Variants in PAM observed in about 807,000 individuals in gnomAD.
The protein encoded by PAM is peptidyl-glycine alpha-amidating monooxygenase.
In PAM, 72 loss-of-function variants were observed where a neutral mutation model predicts 122.1. The observed-to-expected ratio is 0.59, with a 90% confidence interval of 0.49 to 0.72. PAM has a LOEUF of 0.72. Ranked by LOEUF, PAM falls within the 30% of genes least tolerant of loss-of-function variation. The pLI is 0.00. For synonymous variants in PAM, 389 were observed against 404.4 expected, an observed-to-expected ratio of 0.96 and a Z score of 0.46; for missense variants, 1,106 against 1,183.7, an observed-to-expected ratio of 0.93 and a Z score of 0.96.
At chr5:102,966,222 C>T (rs1420058510) in intron 14 of PAM, among the ~76,000 whole-genome samples, 4 of 152,002 alleles carry the variant, frequency 2.6e-5, no homozygotes, top group Non-Finnish European at 5.9e-5. Context: ...ATCTATCAAA[C>T]ACAATTCTAA....
chr5:102,981,490 T>C (rs779992895), intron 15 of PAM, among the ~76,000 whole-genome samples: 47 of 152,166 alleles, frequency 3.1e-4, no homozygotes, highest in Non-Finnish European at 5.7e-4. Flanking sequence ...AATTATAAGG[T>C]TGTAGGGGAG....
At chr5:102,970,902 G>A (rs1163073972) in intron 14 of PAM, among the ~76,000 whole-genome samples, 1 of 152,118 alleles carries the variant, frequency 6.6e-6, no homozygotes, top group African/African-American at 2.4e-5. Context: ...TGCCTCTGGG[G>A]TTCAAGCAAT....
intron 1 of PAM, among the ~76,000 whole-genome samples, chr5:102,844,229 A>T (rs991483588): frequency 1.3e-5 from 2 of 152,248 alleles, no homozygotes; most frequent in Admixed American, 6.5e-5. Context: ...GATTCTGTTT[A>T]TAAAACATTC....
intron 1 of PAM, among the ~76,000 whole-genome samples, chr5:102,854,680 A>G (rs1453186028): frequency 1.3e-5 from 2 of 152,184 alleles, no homozygotes; most frequent in African/African-American, 4.8e-5. Context: ...AAACTGGGAA[A>G]GAACAAGCCA....
intron 6 of PAM, 104 bp from the exon 7 acceptor site, chr5:102,926,481 A>G (rs1188901333): frequency 5.9e-6 from 4 of 677,090 alleles, no homozygotes; most frequent in African/African-American, 3.7e-5. Flanking sequence ...ATAATTTTAT[A>G]TGTTATATGT....
chr5:102,783,284 A>G (rs953251087), intron 1 of PAM, among the ~76,000 whole-genome samples: 1 of 152,212 alleles, frequency 6.6e-6, no homozygotes, highest in Non-Finnish European at 1.5e-5. Context: ...CAAATAAACA[A>G]TAAATAATTT....
intron 1 of PAM, 150 bp downstream of exon 1, chr5:102,755,498 G>T (rs1364051609): frequency 1.3e-5 from 2 of 149,796 alleles, no homozygotes; most frequent in Non-Finnish European, 3.0e-5. Context: ...GGGCTGCCCG[G>T]GTCGGGGGTG....
At chr5:103,000,878 T>C (rs1372913711) in intron 16 of PAM, among the ~76,000 whole-genome samples, 1 of 152,182 alleles carries the variant, frequency 6.6e-6, no homozygotes, top group Non-Finnish European at 1.5e-5. Flanking sequence ...GTGGGGATTA[T>C]GGAAACTACA....
intron 1 of PAM, among the ~76,000 whole-genome samples, chr5:102,833,273 G>T (rs530571392): frequency 2.6e-5 from 4 of 152,056 alleles, no homozygotes; most frequent in Non-Finnish European, 5.9e-5. Flanking sequence ...CAGTGCCTGA[G>T]CTCTGCTTTG....
intron 9 of PAM, among the ~76,000 whole-genome samples, chr5:102,949,231 G>C (rs1029555621): frequency 1.3e-5 from 2 of 151,948 alleles, no homozygotes; most frequent in Non-Finnish European, 2.9e-5. Flanking sequence ...CAATTTTTAA[G>C]CTTTCTCAAC....
chr5:102,770,259 T>G (rs457442), intron 1 of PAM, among the ~76,000 whole-genome samples: 72,640 of 151,844 alleles, frequency 0.48, 17,594 homozygotes, highest in African/African-American at 0.55. Context: ...GATCTATTAG[T>G]TTTTTGGTGG....
intron 5 of PAM, among the ~76,000 whole-genome samples, chr5:102,919,991 G>C (rs755459301): frequency 2.9e-4 from 44 of 152,138 alleles, no homozygotes; most frequent in Non-Finnish European, 5.4e-4. Context: ...CACAAGACTA[G>C]TACTTTATGT....
chr5:102,822,793 T>A (rs1772389272), intron 1 of PAM, among the ~76,000 whole-genome samples: 1 of 152,018 alleles, frequency 6.6e-6, no homozygotes, highest in African/African-American at 2.4e-5. Context: ...GAAGGGAAAT[T>A]ACCATTGGAG....
At chr5:102,990,493 T>C in intron 16 of PAM, 92 bp downstream of exon 16, 2 of 946,098 alleles carry the variant, frequency 2.1e-6, no homozygotes. Flanking sequence ...GAGAGAACTA[T>C]AAAGGTTTTT....
At chr5:102,900,265 CGG>C (rs1280721894) in intron 3 of PAM, among the ~76,000 whole-genome samples, 1 of 22,502 alleles carries the variant, frequency 4.4e-5, no homozygotes, top group African/African-American at 1.4e-4. Flanking sequence ...GGGGGGGGGG[CGG>C]GGGGAAGAGG....
intron 3 of PAM, among the ~76,000 whole-genome samples, chr5:102,875,137 C>G (rs547201433): frequency 2.0e-5 from 3 of 151,802 alleles, no homozygotes; most frequent in South Asian, 2.1e-4. Flanking sequence ...AGAATATAAG[C>G]TCTCTTTTAT....
At chr5:102,786,217 G>A (rs539920078) in intron 1 of PAM, among the ~76,000 whole-genome samples, 2 of 152,304 alleles carry the variant, frequency 1.3e-5, no homozygotes, top group East Asian at 1.9e-4. Context: ...ACAGATCCTG[G>A]AGCCAGACTG....
chr5:102,891,237 G>A (rs974164865), intron 3 of PAM, among the ~76,000 whole-genome samples: 7 of 151,936 alleles, frequency 4.6e-5, no homozygotes, highest in East Asian at 3.9e-4. Flanking sequence ...AAATCAAGGC[G>A]TCACCCCTTA....
At chr5:102,842,154 AG>A (rs1378699436) in intron 1 of PAM, among the ~76,000 whole-genome samples, 1 of 151,900 alleles carries the variant, frequency 6.6e-6, no homozygotes, top group East Asian at 1.9e-4. Context: ...GAAAACGCAT[AG>A]AACACAAAGA....
Sources: gnomAD v4.1 joint callset for allele counts (sites outside exome capture counted in the v4.1 genomes callset) on GRCh38, gnomAD v4.1.1 for gene constraint, MANE v1.5 for transcripts, NCBI Gene and HGNC (gene_info 2026-07-23, HGNC 2026-07-21) for gene names.